Variants in ANKRD42 observed in about 807,000 individuals in gnomAD.
ANKRD42 encodes ankyrin repeat domain-containing protein 42.
A neutral mutation model predicts 51.5 loss-of-function variants in ANKRD42; 43 were observed. That is an observed-to-expected ratio of 0.83 (90% CI 0.65 to 1.08). The LOEUF is 1.08. Ranked by LOEUF, ANKRD42 falls within the 50% of genes least tolerant of loss-of-function variation. ANKRD42 has a pLI of 0.00. For missense variants in ANKRD42, 608 were observed against 629.3 expected (o/e 0.97, Z 0.36); for synonymous variants, 203 against 213.0 (o/e 0.95, Z 0.41).
chr11:83,258,195 TAA>T (rs1485412659), downstream of ANKRD42, among the ~76,000 whole-genome samples: 1 of 152,158 alleles, frequency 6.6e-6, no homozygotes, highest in African/African-American at 2.4e-5. Flanking sequence ...CATTGGACTG[TAA>T]GAGAGAAATA....
chr11:83,206,210 G>T, intron 3 of ANKRD42, 45 bp downstream of exon 3: 1 of 1,424,810 alleles, frequency 7.0e-7, no homozygotes, highest in Non-Finnish European at 9.8e-7. Context: ...CTTTAACATA[G>T]TTCTGTTGGG....
chr11:83,201,322 C>T lies in ANKRD42; in HGVS notation c.222+2680C>T, dbSNP rs539595477. ...GCTTCATCCATGGCCCCGCAAAGGA[C>T]GTGAACTCATTCTTTTTTTATGGCT... is the stretch of plus-strand genomic sequence containing the variant. On this transcript the variant is annotated intron_variant, in intron 2 of 10. Transcript: ENST00000533342. Among the ~76,000 whole-genome samples the T allele has an allele frequency of 1.1e-4, 16 of 152,298 alleles. No individual in the cohort carries two copies. In the East Asian group the frequency reaches 2.1e-3, roughly 20 times the overall value.
rs753408526 is a variant in ANKRD42, at chr11:83,240,804, A to G, written c.1065A>G (p.Lys355=). Residue 355 remains lysine, a synonymous_variant, in exon 9 of 11, where the codon AAA becomes AAG. Transcript: ENST00000533342. The stretch of plus-strand genomic sequence containing the variant: ...TGAAGCTGTTAGAGGAGCTACAGAA[A>G]TATGATATAGATGACGAAAATGAAA... ...AAVKLLEELQ[K]YDIDDENEID... 26 of 1,614,028 alleles carry G rather than the reference A, an allele frequency of 1.6e-5. No homozygotes were observed. The highest frequency in any genetic ancestry group is 2.0e-5 in the Non-Finnish European group (24 of 1,180,004).
intron 9 of ANKRD42, 38 bp from the exon 10 acceptor site, chr11:83,245,460 T>C (rs993605275): frequency 1.7e-5 from 26 of 1,531,116 alleles, no homozygotes; most frequent in Admixed American, 1.2e-4. Flanking sequence ...TGAGCTGTTA[T>C]ATGTCTAACT....
At chr11:83,224,834 A>AT (rs113212874) in intron 5 of ANKRD42, 21 bp from the exon 6 acceptor site, 13 of 1,531,862 alleles carry the variant, frequency 8.5e-6, no homozygotes, top group African/African-American at 2.8e-5. Flanking sequence ...AATTAAATTA[A>AT]TTTTTTTTCC....
chr11:83,231,597 T>C (rs1330766794), intron 7 of ANKRD42, among the ~76,000 whole-genome samples: 9 of 152,232 alleles, frequency 5.9e-5, no homozygotes, highest in Admixed American at 5.9e-4. Context: ...TTGCCTGTGC[T>C]TGTAGGGTAT....
intron 7 of ANKRD42, among the ~76,000 whole-genome samples, chr11:83,229,579 C>T (rs1463665246): frequency 1.3e-5 from 2 of 152,130 alleles, no homozygotes; most frequent in Non-Finnish European, 2.9e-5. Context: ...GTCATTTCTT[C>T]ACCACTTGAA....
chr11:83,248,004 T>C lies in ANKRD42; in HGVS notation c.1384T>C (p.Cys462Arg). 2 of 1,613,494 alleles carry C rather than the reference T, an allele frequency of 1.2e-6. No individual in the cohort carries two copies. The highest frequency in any genetic ancestry group is 1.7e-6 in the Non-Finnish European group (2 of 1,179,676). The change falls in exon 11 of 11, where the codon TGT becomes CGT. Residue 462 changes from cysteine (C) to arginine (R), a missense_variant. Cys to Arg is a radical substitution (Grantham distance 180, BLOSUM62 -3). Transcript: ENST00000533342. ...ACGACTACGTAGAGAAAAATTAGAA[T>C]GTCAGCTTGATGAATATCGAGCAGA... ...YERLRREKLE[C>R]QLDEYRAEVD...
At chr11:83,212,919 T>A in intron 5 of ANKRD42, 2 of 1,468,552 alleles carry the variant, frequency 1.4e-6, no homozygotes, top group Admixed American at 2.8e-5. Context: ...TTTTTTAAAG[T>A]AAAATTTAAA....
At chr11:83,242,355 AG>A (rs1863411209) in intron 9 of ANKRD42, among the ~76,000 whole-genome samples, 1 of 152,126 alleles carries the variant, frequency 6.6e-6, no homozygotes, top group African/African-American at 2.4e-5. Flanking sequence ...GAAATCAGTT[AG>A]GGGGCTATCG....
intron 11 of ANKRD42, among the ~76,000 whole-genome samples, chr11:83,254,206 T>G (rs1863723980): frequency 6.6e-6 from 1 of 151,980 alleles, no homozygotes; most frequent in Non-Finnish European, 1.5e-5. Flanking sequence ...ACTCCTGAGC[T>G]CAAAGTGATC....
intron 3 of ANKRD42, among the ~76,000 whole-genome samples, chr11:83,207,888 G>T (rs560406196): frequency 5.3e-5 from 8 of 152,324 alleles, no homozygotes; most frequent in Non-Finnish European, 1.0e-4. Flanking sequence ...GGACTGTTAA[G>T]AACCACGCTT....
downstream of ANKRD42, among the ~76,000 whole-genome samples, chr11:83,249,251 A>G (rs901758934): frequency 1.3e-5 from 2 of 152,106 alleles, no homozygotes; most frequent in Non-Finnish European, 2.9e-5. Context: ...TGTCACCCAT[A>G]CTTCAATGCA....
rs140794148 is a variant in ANKRD42, at chr11:83,217,072, T to G, written c.586+5642T>G. ...AGCTCATTTGAGGTTCCATTTGTAA[T>G]ACCATTTGTAGCTTGATGGCCTTGA... is the stretch of plus-strand genomic sequence containing the variant. On this transcript the variant is annotated intron_variant, in intron 5 of 10. Coordinates refer to ENST00000533342, the MANE Select transcript of ANKRD42 (RefSeq NM_001300975.2). Among the ~76,000 whole-genome samples, 1,438 of 147,126 alleles carry G rather than the reference T, an allele frequency of 9.8e-3. 11 individuals carry two copies. Among genetic ancestry groups the G allele is most frequent in the Middle Eastern group, 0.024 (7 of 290 alleles).
At chr11:83,212,052 C>T (rs1427710962) in intron 5 of ANKRD42, among the ~76,000 whole-genome samples, 2 of 151,948 alleles carry the variant, frequency 1.3e-5, no homozygotes, top group Non-Finnish European at 2.9e-5. Context: ...CTTCACCTCT[C>T]TCTGCCCCAT....
chr11:83,245,194 T>C (rs1330902294), intron 9 of ANKRD42, among the ~76,000 whole-genome samples: 1 of 152,230 alleles, frequency 6.6e-6, no homozygotes, highest in Admixed American at 6.5e-5. Context: ...TGAACCGCCA[T>C]GCCTGGTCAA....
At chr11:83,223,647 T>C (rs1862784473) in intron 5 of ANKRD42, among the ~76,000 whole-genome samples, 1 of 152,002 alleles carries the variant, frequency 6.6e-6, no homozygotes, top group Non-Finnish European at 1.5e-5. Flanking sequence ...GACTTTTAAG[T>C]GTAAATGATG....
downstream of ANKRD42, among the ~76,000 whole-genome samples, chr11:83,251,409 C>CT (rs1309200171): frequency 3.1e-4 from 47 of 152,278 alleles, no homozygotes; most frequent in Non-Finnish European, 5.1e-4. Context: ...TCATCTTAGT[C>CT]ATCATTAACA....
intron 7 of ANKRD42, among the ~76,000 whole-genome samples, chr11:83,230,878 G>A (rs584242): frequency 0.71 from 108,372 of 152,134 alleles, 39,362 homozygotes; most frequent in Middle Eastern, 0.84. Flanking sequence ...GAAACACTGC[G>A]CCCAGCTGAT....
Sources: allele counts gnomAD v4.1 joint callset (sites outside exome capture counted in the v4.1 genomes callset), GRCh38; gene constraint gnomAD v4.1.1; transcripts MANE v1.5; gene names NCBI Gene and HGNC (gene_info 2026-07-23, HGNC 2026-07-21).